The following PTPRD variants were observed in gnomAD, a reference collection of about 807,000 sequenced individuals.
PTPRD encodes the protein receptor-type tyrosine-protein phosphatase delta.
In PTPRD, 34 loss-of-function variants were observed where a neutral mutation model predicts 214.5. The ratio of observed to expected loss-of-function variants is 0.16; its 90% confidence interval spans 0.12 to 0.21. The LOEUF (loss-of-function observed/expected upper bound fraction) is 0.21. Ranked by LOEUF, PTPRD falls within the 10% of genes least tolerant of loss-of-function variation. The pLI is 1.00. For missense variants in PTPRD, 2,545 were observed against 2,398.7 expected (o/e 1.06, Z -1.27); for synonymous variants, 1,128 against 845.7 (o/e 1.33, Z -5.79).
At chr9:9,365,885 T>C (rs1046564961) in intron 9 of PTPRD, among the ~76,000 whole-genome samples, 10 of 151,580 alleles carry the variant, frequency 6.6e-5, no homozygotes, top group African/African-American at 2.4e-4. Context: ...TGAATATAAA[T>C]AAATTAATTC....
intron 8 of PTPRD, among the ~76,000 whole-genome samples, chr9:9,467,220 T>G (rs2094231838): frequency 6.7e-6 from 1 of 148,832 alleles, no homozygotes; most frequent in African/African-American, 2.5e-5. Context: ...TATCTTTTTT[T>G]TTTTTTTTTT....
At chr9:8,777,137 G>A (rs951552006) in intron 11 of PTPRD, among the ~76,000 whole-genome samples, 11 of 151,644 alleles carry the variant, frequency 7.3e-5, no homozygotes, top group East Asian at 5.8e-4. Context: ...GTGCCACCGC[G>A]CCTAATTTTT....
rs538635627 is a variant in PTPRD at position 9,817,850 on chromosome 9, C to T, written c.-367-50999G>A. Among the ~76,000 whole-genome samples the T allele has an allele frequency of 4.6e-5, 7 of 152,128 alleles. No individual in the cohort carries two copies. The East Asian group carries it at 7.7e-4, about 17-fold the overall frequency. ...TTTAAAATTAGCCCCTTGTGTCTCA[C>T]GGAAACCAGAAGAGCTGTGCCTGCC... On this transcript the variant is annotated intron_variant, in intron 5 of 45. Coordinates refer to ENST00000381196, the MANE Select transcript of PTPRD (RefSeq NM_002839.4).
chr9:10,036,440 T>C (rs2097182163), intron 3 of PTPRD, among the ~76,000 whole-genome samples: 1 of 151,642 alleles, frequency 6.6e-6, no homozygotes, highest in Non-Finnish European at 1.5e-5. Context: ...TAGCCCACCA[T>C]AAAATGAAAA....
At chr9:10,466,733 A>T (rs1426391476) in intron 2 of PTPRD, among the ~76,000 whole-genome samples, 2 of 152,118 alleles carry the variant, frequency 1.3e-5, no homozygotes, top group Non-Finnish European at 2.9e-5. Flanking sequence ...CGAGCATCTG[A>T]AAACTTCACA....
intron 8 of PTPRD, among the ~76,000 whole-genome samples, chr9:9,522,054 G>A (rs1462642728): frequency 6.6e-6 from 1 of 151,730 alleles, no homozygotes; most frequent in Admixed American, 6.6e-5. Flanking sequence ...CTACTCGGGA[G>A]GCTGAGGCAG....
chr9:8,739,235 C>T lies in PTPRD; in HGVS notation c.-103-5289G>A, dbSNP rs564262020. Among the ~76,000 whole-genome samples, 18 of 152,304 alleles carry T rather than the reference C, an allele frequency of 1.2e-4. No homozygotes were observed. In the South Asian group the frequency reaches 3.7e-3, roughly 32 times the overall value. On this transcript the variant is annotated intron_variant, in intron 11 of 45. Transcript: ENST00000381196. ...AGGCCCTCAGTGTCCAGCTACAACA[C>T]AAGTACATGAAAAGAGAAGAGAACC...
chr9:10,203,507 T>A (rs569005200), intron 3 of PTPRD, among the ~76,000 whole-genome samples: 1 of 152,216 alleles, frequency 6.6e-6, no homozygotes, highest in South Asian at 2.1e-4. Flanking sequence ...GGGTAAGGCA[T>A]CTATATTTTA....
intron 14 of PTPRD, among the ~76,000 whole-genome samples, chr9:8,561,098 T>C (rs951308355): frequency 6.6e-6 from 1 of 152,154 alleles, no homozygotes; most frequent in African/African-American, 2.4e-5. Context: ...TGAGAACCTG[T>C]CTTCCCATTT....
At chr9:9,991,979 A>T (rs1320444617) in intron 4 of PTPRD, among the ~76,000 whole-genome samples, 1 of 152,128 alleles carries the variant, frequency 6.6e-6, no homozygotes, top group Admixed American at 6.5e-5. Flanking sequence ...AACATAACGA[A>T]CCTCAAAAAC....
chr9:9,096,383 A>G (rs1186542380), intron 10 of PTPRD, among the ~76,000 whole-genome samples: 1 of 152,218 alleles, frequency 6.6e-6, no homozygotes, highest in African/African-American at 2.4e-5. Context: ...AAAGTCCCCA[A>G]GAAACAATTG....
chr9:9,390,425 C>T (rs760725784), intron 9 of PTPRD, among the ~76,000 whole-genome samples: 1 of 152,084 alleles, frequency 6.6e-6, no homozygotes, highest in African/African-American at 2.4e-5. Flanking sequence ...AAATACTCGT[C>T]CACTCTATCA....
intron 10 of PTPRD, among the ~76,000 whole-genome samples, chr9:9,173,336 A>G (rs1316101117): frequency 6.6e-6 from 1 of 152,196 alleles, no homozygotes; most frequent in East Asian, 1.9e-4. Context: ...AAGTAAAATG[A>G]ACTTCCATTC....
intron 8 of PTPRD, among the ~76,000 whole-genome samples, chr9:9,413,959 G>T (rs2076269825): frequency 1.3e-5 from 2 of 152,306 alleles, no homozygotes; most frequent in Middle Eastern, 6.8e-3. Context: ...TTATAAAACT[G>T]AGAGAATTTT....
chr9:8,680,500 C>T (rs768356012), intron 12 of PTPRD, among the ~76,000 whole-genome samples: 1 of 152,070 alleles, frequency 6.6e-6, no homozygotes, highest in Non-Finnish European at 1.5e-5. Flanking sequence ...AGATTCAAAG[C>T]CTGTATCATT....
At chr9:10,237,374 A>G (rs914308224) in intron 3 of PTPRD, among the ~76,000 whole-genome samples, 2 of 151,928 alleles carry the variant, frequency 1.3e-5, no homozygotes, top group Admixed American at 1.3e-4. Context: ...TCTTCATGAT[A>G]AGTGTGCATT....
intron 12 of PTPRD, among the ~76,000 whole-genome samples, chr9:8,698,930 ATAT>A (rs2098000706): frequency 7.0e-6 from 1 of 143,536 alleles, no homozygotes. Context: ...TACACCCATA[ATAT>A]TATATTATAT....
At chr9:8,716,183 G>A (rs545800750) in intron 12 of PTPRD, among the ~76,000 whole-genome samples, 2 of 152,206 alleles carry the variant, frequency 1.3e-5, no homozygotes, top group African/African-American at 2.4e-5. Context: ...CAGGAGAAGA[G>A]AGGGGGAGCC....
chr9:10,447,403 T>C (rs981782834), intron 2 of PTPRD, among the ~76,000 whole-genome samples: 1 of 151,982 alleles, frequency 6.6e-6, no homozygotes, highest in Non-Finnish European at 1.5e-5. Flanking sequence ...CTACTGTTAA[T>C]ATTCTCAGCT....
Sources: allele counts gnomAD v4.1 joint callset (sites outside exome capture counted in the v4.1 genomes callset), GRCh38; gene constraint gnomAD v4.1.1; transcripts MANE v1.5; gene names NCBI Gene and HGNC (gene_info 2026-07-23, HGNC 2026-07-21).